Variants in TEX14 observed in about 807,000 individuals in gnomAD.
TEX14 encodes inactive serine/threonine-protein kinase TEX14.
A neutral mutation model predicts 178.6 loss-of-function variants in TEX14; 168 were observed. The ratio of observed to expected loss-of-function variants is 0.94; its 90% confidence interval spans 0.83 to 1.07. The LOEUF (loss-of-function observed/expected upper bound fraction) is 1.07, where lower values mean the gene tolerates loss of function less well. Ranked by LOEUF, TEX14 falls within the 50% of genes least tolerant of loss-of-function variation. TEX14 has a pLI of 0.00. For synonymous variants in TEX14, 626 were observed against 634.1 expected, an observed-to-expected ratio of 0.99 and a Z score of 0.19; for missense variants, 1,730 against 1,753.6, an observed-to-expected ratio of 0.99 and a Z score of 0.24.
chr17:58,591,030 T>A (rs555916664), intron 15 of TEX14, among the ~76,000 whole-genome samples: 135 of 152,222 alleles, frequency 8.9e-4, no homozygotes, highest in Admixed American at 1.8e-3. Context: ...TGTCAAACTT[T>A]TTTTTGGTCT....
intron 19 of TEX14, among the ~76,000 whole-genome samples, chr17:58,580,094 A>G (rs2044774935): frequency 3.9e-5 from 6 of 152,218 alleles, no homozygotes. Context: ...TCTACGAGGT[A>G]AGAAGTCAGA....
chr17:58,630,795 C>T (rs1344126482), intron 2 of TEX14, among the ~76,000 whole-genome samples: 2 of 152,066 alleles, frequency 1.3e-5, no homozygotes, highest in Admixed American at 1.3e-4. Context: ...TAGTTCACCA[C>T]ACTGGCATAT....
intron 1 of TEX14, among the ~76,000 whole-genome samples, chr17:58,688,152 C>G (rs2047632602): frequency 6.6e-6 from 1 of 151,976 alleles, no homozygotes; most frequent in Non-Finnish European, 1.5e-5. Flanking sequence ...CTGAGTTTTC[C>G]TCTTGTCGCC....
chr17:58,613,020 G>A (rs547461126), intron 9 of TEX14, among the ~76,000 whole-genome samples: 3 of 152,160 alleles, frequency 2.0e-5, no homozygotes, highest in South Asian at 2.1e-4. Context: ...TGGCCAACAC[G>A]GTGAAACCTC....
intron 7 of TEX14, 108 bp downstream of exon 7, chr17:58,616,067 G>T: frequency 8.0e-7 from 1 of 1,253,552 alleles, no homozygotes; most frequent in Non-Finnish European, 1.1e-6. Context: ...GATGTTCTTA[G>T]GTGTTCCCTG....
chr17:58,582,695 C>T (rs1196344796), intron 19 of TEX14, among the ~76,000 whole-genome samples: 1 of 151,488 alleles, frequency 6.6e-6, no homozygotes, highest in Non-Finnish European at 1.5e-5. Flanking sequence ...TCCCAAGTAG[C>T]TGGGATCACA....
At position 58,564,922 on chromosome 17, in the gene TEX14, A is replaced by G; in HGVS notation, c.4011T>C (p.Asp1337=). The change falls in exon 28 of 32, where the codon GAT becomes GAC. Residue 1337 remains aspartate, a synonymous_variant. Coordinates refer to ENST00000349033, the MANE Select transcript of TEX14 (RefSeq NM_031272.5). The part of the protein sequence containing the change: ...EEQETDSKKE[D]SSMLLSKETE... ...TTTCTTTGGACAAAAGCATACTACT[A>G]TCTTCTTTTTTACTGTCAGTTTCTT... The G allele has an allele frequency of 6.2e-7, 1 of 1,608,230 alleles. No homozygotes were observed. Among genetic ancestry groups the G allele is most frequent in the Non-Finnish European group, 8.5e-7 (1 of 1,177,482 alleles).
chr17:58,569,041 AAATTTTGGAAAACTGCCCCTT>A lies in TEX14; in HGVS notation c.3886+130_3886+150del. ...TTTTATTGCAAAACTGCCCCTTCCT[AAATTTTGGAAAACTGCCCCTT>A]CCTATATTCAACCAGGCCATCATAC... On this transcript the variant is annotated intron_variant, in intron 26 of 31. Transcript: ENST00000349033. The surrounding 1 kb of genome is among the most constrained non-coding windows in gnomAD (Gnocchi z 4.1). 3.7e-6 allele frequency: 2 copies of A among 540,644 alleles called. 1 individual carries two copies. The highest frequency in any genetic ancestry group is 6.3e-6 in the Non-Finnish European group (2 of 317,056). 33.5% of individuals were successfully genotyped at this position (540,644 alleles called of 1,614,324 possible).
chr17:58,605,251 G>T, intron 10 of TEX14, 122 bp from the exon 11 acceptor site: 1 of 1,218,284 alleles, frequency 8.2e-7, no homozygotes, highest in Non-Finnish European at 1.1e-6. Flanking sequence ...GAAAGCAGCA[G>T]CGTGATCTCA....
chr17:58,567,859 C>A (rs2044435080), intron 26 of TEX14: 1 of 152,236 alleles, frequency 6.6e-6, no homozygotes, highest in East Asian at 1.9e-4. Flanking sequence ...AGGACAAAGT[C>A]TGGTAACACA....
intron 1 of TEX14, among the ~76,000 whole-genome samples, chr17:58,668,283 C>A (rs2047246929): frequency 6.6e-6 from 1 of 152,202 alleles, no homozygotes; most frequent in African/African-American, 2.4e-5. Flanking sequence ...CACTACAAGA[C>A]CCCATTGCAG....
At chr17:58,602,991 G>A (rs1214667027) in intron 11 of TEX14, among the ~76,000 whole-genome samples, 4 of 151,456 alleles carry the variant, frequency 2.6e-5, no homozygotes, top group African/African-American at 9.7e-5. Flanking sequence ...GCTTGAACCC[G>A]GGAGGCAGAG....
rs768319605 is a variant in TEX14 at position 58,611,260 on chromosome 17, T to C, written c.1085A>G (p.His362Arg). The part of the protein sequence containing the change: ...LQISDALRYL[H>R]FQGFIHRSLS... ...GGAGCGGTGGATAAACCCCTGGAAA[T>C]GCAGGTATCTCAGGGCATCAGATAT... Residue 362 changes from histidine to arginine, a missense_variant, in exon 10 of 32, where the codon CAT becomes CGT. By Grantham distance (29) the His-to-Arg change is conservative (BLOSUM62 0). This residue lies in a region of TEX14 where 789 missense variants were observed against 681.2 expected (regional missense o/e 1.16). Coordinates refer to ENST00000349033, the MANE Select transcript of TEX14 (RefSeq NM_031272.5). 4 of 1,612,858 alleles carry C rather than the reference T, an allele frequency of 2.5e-6. No individual in the cohort carries two copies. The highest frequency in any genetic ancestry group is 1.3e-5 in the African/African-American group (1 of 74,890).
intron 14 of TEX14, among the ~76,000 whole-genome samples, chr17:58,596,012 C>G (rs907369024): frequency 3.9e-5 from 6 of 151,954 alleles, no homozygotes; most frequent in South Asian, 2.1e-4. Context: ...GTAAAACCCC[C>G]TCTCTACTAA....
At chr17:58,605,448 T>C (rs1297180265) in intron 10 of TEX14, among the ~76,000 whole-genome samples, 8 of 152,240 alleles carry the variant, frequency 5.3e-5, no homozygotes, top group Non-Finnish European at 1.2e-4. Flanking sequence ...GTGAAAACTT[T>C]GCCTCTGAAG....
rs547516802 is a variant in TEX14, at chr17:58,561,533, T to A, written c.4144A>T (p.Lys1382Ter). 6 of 1,612,792 alleles carry A rather than the reference T, an allele frequency of 3.7e-6. No individual in the cohort carries two copies. Among genetic ancestry groups the A allele is most frequent in the Admixed American group, 1.7e-5 (1 of 59,994 alleles). ...EESVELQDLP[K>*]GSERETNIKD... ...GGGAACAATAACCTTTCAGAGCCCT[T>A]GGGAAGGTCTTGTAGCTCCACGCTC... Residue 1382 changes from lysine (K) to a stop codon, truncating the protein, a stop_gained, in exon 29 of 32, where the codon AAG becomes TAG. Transcript: ENST00000349033. LOFTEE classifies it high-confidence loss of function.
At chr17:58,635,305 C>A (rs2046408823) in intron 2 of TEX14, among the ~76,000 whole-genome samples, 2 of 151,932 alleles carry the variant, frequency 1.3e-5, no homozygotes, top group African/African-American at 4.8e-5. Flanking sequence ...AAATTACAGT[C>A]AAGGGAAGCA....
At chr17:58,578,027 G>A (rs2044721204) in intron 20 of TEX14, among the ~76,000 whole-genome samples, 1 of 152,210 alleles carries the variant, frequency 6.6e-6, no homozygotes, top group African/African-American at 2.4e-5. Context: ...GGCAGGGCCA[G>A]TATCCATTTT....
intron 1 of TEX14, among the ~76,000 whole-genome samples, chr17:58,668,270 C>T (rs2047246690): frequency 6.6e-6 from 1 of 152,196 alleles, no homozygotes; most frequent in African/African-American, 2.4e-5. Context: ...AGTCTTTCTC[C>T]TCCACTACAA....
Sources: allele counts gnomAD v4.1 joint callset (sites outside exome capture counted in the v4.1 genomes callset), GRCh38; gene constraint gnomAD v4.1.1; regional missense constraint gnomAD v4.1.1; non-coding constraint Gnocchi (gnomAD v3.1); transcripts MANE v1.5; gene names NCBI Gene and HGNC (gene_info 2026-07-23, HGNC 2026-07-21).